The following ADGRA3 variants were observed in gnomAD, a reference collection of about 807,000 sequenced individuals.
ADGRA3 encodes the protein G-protein coupled receptor 125.
A neutral mutation model predicts 119.8 loss-of-function variants in ADGRA3; 56 were observed. That is an observed-to-expected ratio of 0.47 (90% confidence interval 0.38 to 0.58). The LOEUF is 0.58. Among genes scored for constraint, ADGRA3 ranks in the 20% least tolerant of loss-of-function variants. ADGRA3 has a pLI of 0.00. For synonymous variants in ADGRA3, 607 were observed against 623.8 expected (o/e 0.97, Z 0.40); for missense variants, 1,516 against 1,649.0 (o/e 0.92, Z 1.40).
intron 1 of ADGRA3, among the ~76,000 whole-genome samples, chr4:22,513,855 A>C (rs1307713895): frequency 1.3e-5 from 2 of 149,302 alleles, no homozygotes; most frequent in Admixed American, 6.7e-5. Context: ...CAAAAAAAAA[A>C]AAAAAAAAAA....
chr4:22,473,792 C>T lies in ADGRA3; in HGVS notation c.309G>A (p.Gly103=), dbSNP rs775038374. 6.9e-6 allele frequency: 11 copies of T among 1,603,472 alleles called. No homozygotes were observed. In the East Asian group the frequency reaches 2.2e-4, roughly 33 times the overall value. Residue 103 remains glycine (G), a synonymous_variant, in exon 2 of 19, where the codon GGG becomes GGA. Transcript: ENST00000334304. ...ISELKNGSFS[G]LSLLERLDLR... is the part of the protein sequence containing the mutation. Reference sequence around the variant, plus strand: ...CTCACAATCTTTCAAGGAGACTTAACCCAGAAAATGAGCCATTCTTCAGCT... The same window carrying T: ...CTCACAATCTTTCAAGGAGACTTAATCCAGAAAATGAGCCATTCTTCAGCT...
At chr4:22,490,385 C>A (rs1427124379) in intron 1 of ADGRA3, among the ~76,000 whole-genome samples, 2 of 152,062 alleles carry the variant, frequency 1.3e-5, no homozygotes, top group Admixed American at 6.6e-5. Flanking sequence ...ATAATAAAAG[C>A]CATTTTATTT....
intron 1 of ADGRA3, chr4:22,514,440 G>A (rs747154271): frequency 1.3e-5 from 2 of 152,164 alleles, no homozygotes. Context: ...AAAAGTGTTA[G>A]TAATGAAATG....
chr4:22,405,361 G>A (rs1381646798), intron 14 of ADGRA3, among the ~76,000 whole-genome samples: 10 of 152,038 alleles, frequency 6.6e-5, no homozygotes, highest in Admixed American at 5.9e-4. Flanking sequence ...GCAACACAGT[G>A]AGATCCCATT....
At chr4:22,406,824 A>G (rs1447740778) in intron 14 of ADGRA3, among the ~76,000 whole-genome samples, 5 of 152,116 alleles carry the variant, frequency 3.3e-5, no homozygotes, top group Non-Finnish European at 5.9e-5. Flanking sequence ...CAAGAGGCAA[A>G]TTAAAGCTGT....
At chr4:22,435,107 T>TG (rs1473376715) in intron 10 of ADGRA3, among the ~76,000 whole-genome samples, 2 of 152,208 alleles carry the variant, frequency 1.3e-5, no homozygotes, top group Non-Finnish European at 2.9e-5. Context: ...GTCCAAGAAC[T>TG]GAGAGTTCAC....
intron 12 of ADGRA3, chr4:22,414,016 C>T (rs1715331617): frequency 6.9e-6 from 3 of 437,226 alleles, no homozygotes; most frequent in Non-Finnish European, 1.2e-5. Context: ...AAGTATAAAA[C>T]AGAAATGCAA....
intron 1 of ADGRA3, among the ~76,000 whole-genome samples, chr4:22,497,048 TA>T (rs766281867): frequency 3.3e-5 from 5 of 152,222 alleles, no homozygotes; most frequent in Non-Finnish European, 7.3e-5. Flanking sequence ...TGTACTTTTA[TA>T]ACTTTTGGGG....
intron 2 of ADGRA3, among the ~76,000 whole-genome samples, chr4:22,468,801 A>G (rs6824563): frequency 0.094 from 14,329 of 151,824 alleles, 772 homozygotes; most frequent in African/African-American, 0.12. Flanking sequence ...TGGAAGAAGG[A>G]AGGAAGGAAG....
chr4:22,460,986 A>G (rs1311418437), intron 3 of ADGRA3, among the ~76,000 whole-genome samples: 2 of 152,252 alleles, frequency 1.3e-5, no homozygotes, highest in Non-Finnish European at 2.9e-5. Context: ...GGAGCTTCGT[A>G]TAGGAGATAG....
chr4:22,443,665 G>A lies in ADGRA3; in HGVS notation c.707-802C>T, dbSNP rs142280177. On this transcript the variant is annotated intron_variant, in intron 6 of 18. Coordinates refer to ENST00000334304, the MANE Select transcript of ADGRA3 (RefSeq NM_145290.4). ...GAATTGATATGCATCTATTTTAAAT[G>A]AGAAAATACATTTACATTAATTCAA... Among the ~76,000 whole-genome samples the A allele has an allele frequency of 1.8e-3, 275 of 152,192 alleles. 1 individual carries two copies. The highest frequency in any genetic ancestry group is 1.8e-3 in the Non-Finnish European group (122 of 67,994).
intron 1 of ADGRA3, among the ~76,000 whole-genome samples, chr4:22,511,830 C>T (rs1719456326): frequency 1.3e-5 from 2 of 152,142 alleles, no homozygotes; most frequent in South Asian, 4.1e-4. Flanking sequence ...TCCCCCACTT[C>T]CAACCTATCA....
intron 2 of ADGRA3, among the ~76,000 whole-genome samples, chr4:22,473,550 G>A (rs1000813221): frequency 6.6e-6 from 1 of 152,056 alleles, no homozygotes; most frequent in Non-Finnish European, 1.5e-5. Context: ...AGTCACTTGT[G>A]GCCAGCTGTG....
rs902670780 is a variant in ADGRA3, at chr4:22,389,548, G to A, written c.2628-365C>T. On this transcript the variant is annotated intron_variant, in intron 17 of 18. Transcript: ENST00000334304. The stretch of plus-strand genomic sequence containing the variant: ...GAACTGGCTTCTTTTAGATTCAGCC[G>A]GTGAACTGAAAAGTGCCTTAGTTCA... 4.6e-5 allele frequency among the ~76,000 whole-genome samples: 7 copies of A among 150,692 alleles called. No homozygotes were observed. In the East Asian group the frequency reaches 5.9e-4, roughly 13 times the overall value.
intron 12 of ADGRA3, among the ~76,000 whole-genome samples, chr4:22,419,798 T>C (rs2109033074): frequency 6.6e-6 from 1 of 152,260 alleles, no homozygotes; most frequent in South Asian, 2.1e-4. Context: ...TAAGACACAA[T>C]AAGGAAAGTT....
chr4:22,429,768 C>G (rs1215754646), intron 10 of ADGRA3, among the ~76,000 whole-genome samples: 1 of 152,150 alleles, frequency 6.6e-6, no homozygotes, highest in East Asian at 1.9e-4. Context: ...AAATGAGTCC[C>G]CCTACACTGG....
At chr4:22,445,799 T>C (rs1181445648) in intron 5 of ADGRA3, among the ~76,000 whole-genome samples, 1 of 152,194 alleles carries the variant, frequency 6.6e-6, no homozygotes, top group Non-Finnish European at 1.5e-5. Flanking sequence ...TAAAAGATAG[T>C]AAAGAAATGT....
intron 5 of ADGRA3, among the ~76,000 whole-genome samples, chr4:22,446,462 C>A (rs1716831451): frequency 6.6e-6 from 1 of 152,058 alleles, no homozygotes; most frequent in African/African-American, 2.4e-5. Context: ...TGTTTCTGCT[C>A]AAAGGTAGTC....
chr4:22,478,961 A>C (rs1718150082), intron 1 of ADGRA3, among the ~76,000 whole-genome samples: 2 of 152,234 alleles, frequency 1.3e-5, no homozygotes, highest in South Asian at 4.1e-4. Context: ...AAGATAAACA[A>C]TAAATATTTA....
Sources: gnomAD v4.1 joint callset for allele counts (sites outside exome capture counted in the v4.1 genomes callset) on GRCh38, gnomAD v4.1.1 for gene constraint, MANE v1.5 for transcripts, NCBI Gene and HGNC (gene_info 2026-07-23, HGNC 2026-07-21) for gene names.